Variants in EPHX1 observed in about 807,000 individuals in gnomAD.
EPHX1 encodes the protein epoxide hydrolase 1, also known as epoxide hydratase.
Under a neutral mutation model 43.2 loss-of-function variants are expected in EPHX1, and 40 were observed. That is an observed-to-expected ratio of 0.93 (90% CI 0.72 to 1.21). The LOEUF (loss-of-function observed/expected upper bound fraction) is 1.21. Ranked by LOEUF, EPHX1 falls within the 50% of genes most tolerant of loss-of-function variation. EPHX1 has a pLI of 0.00. For synonymous variants in EPHX1, 221 were observed against 226.7 expected (o/e 0.98, Z 0.22); for missense variants, 550 against 570.4 (o/e 0.96, Z 0.36).
intron 7 of EPHX1, among the ~76,000 whole-genome samples, chr1:225,843,920 C>A (rs1161809062): frequency 2.0e-5 from 3 of 152,112 alleles, no homozygotes. Context: ...CTCCCTGCTG[C>A]TGTTGCTAGA....
intron 3 of EPHX1, among the ~76,000 whole-genome samples, chr1:225,834,880 AT>A (rs746706234): frequency 1.3e-5 from 2 of 152,160 alleles, no homozygotes; most frequent in African/African-American, 2.4e-5. Flanking sequence ...GTACCCAGGC[AT>A]TCTGCTGGGG....
chr1:225,834,240 A>G (rs976402592), intron 3 of EPHX1, among the ~76,000 whole-genome samples: 2 of 151,284 alleles, frequency 1.3e-5, no homozygotes, highest in African/African-American at 4.9e-5. Context: ...CCCCGTCTCT[A>G]CTAAAAATAC....
intron 1 of EPHX1, among the ~76,000 whole-genome samples, chr1:225,812,185 A>G (rs1666514964): frequency 6.6e-6 from 1 of 152,130 alleles, no homozygotes; most frequent in African/African-American, 2.4e-5. Context: ...GATAAACTGA[A>G]CTAGCTCAGT....
chr1:225,829,640 T>C (rs1667468123), intron 2 of EPHX1, among the ~76,000 whole-genome samples: 1 of 152,116 alleles, frequency 6.6e-6, no homozygotes, highest in African/African-American at 2.4e-5. Context: ...GCCAATCCTT[T>C]CTTTCATTCC....
At chr1:225,836,702 G>A (rs1169772875) in intron 3 of EPHX1, among the ~76,000 whole-genome samples, 3 of 152,200 alleles carry the variant, frequency 2.0e-5, no homozygotes, top group African/African-American at 7.2e-5. Flanking sequence ...GACAAATACC[G>A]CATGATTCCA....
At chr1:225,830,925 A>G (rs1450305859) in intron 2 of EPHX1, among the ~76,000 whole-genome samples, 1 of 152,208 alleles carries the variant, frequency 6.6e-6, no homozygotes, top group Non-Finnish European at 1.5e-5. Context: ...GTTAGGGGGA[A>G]AAAAATCAAA....
intron 1 of EPHX1, among the ~76,000 whole-genome samples, chr1:225,828,067 C>T (rs555278479): frequency 1.3e-5 from 2 of 152,224 alleles, no homozygotes; most frequent in African/African-American, 4.8e-5. Context: ...ATGAGGCTGT[C>T]GGGCGCCGTG....
At chr1:225,810,410 A>G (rs1346476903) in intron 1 of EPHX1, 1 of 151,108 alleles carries the variant, frequency 6.6e-6, no homozygotes, top group East Asian at 1.9e-4. Flanking sequence ...GACTTCTCGC[A>G]GGGAATTCCG....
chr1:225,819,583 G>A (rs1575984505), intron 1 of EPHX1, among the ~76,000 whole-genome samples: 1 of 152,240 alleles, frequency 6.6e-6, no homozygotes, highest in East Asian at 1.9e-4. Flanking sequence ...AGAACTTACT[G>A]ATATCTGTGG....
At position 225,815,415 on chromosome 1, in the gene EPHX1, T is replaced by C. The variant is rs1403228977; in HGVS notation, c.-6+5246T>C. Among the ~76,000 whole-genome samples the C allele has an allele frequency of 4.0e-5, 3 of 75,694 alleles. 1 individual carries two copies. Among genetic ancestry groups the C allele is most frequent in the Admixed American group, 2.7e-4 (2 of 7,466 alleles). The allele number at this position is 75,694 out of a possible 152,430, so 49.7% of individuals were successfully genotyped here. Reference sequence around the variant, plus strand: ...CCACCATGCCCAGCTAATTTTCTTTTTTTTTTTTTTTTTTTTTTGTAGAGA... The same window carrying C: ...CCACCATGCCCAGCTAATTTTCTTTCTTTTTTTTTTTTTTTTTTGTAGAGA... On this transcript the variant is annotated intron_variant, in intron 1 of 8. Coordinates refer to ENST00000272167, the MANE Select transcript of EPHX1 (RefSeq NM_001136018.4).
chr1:225,821,565 CTTTTTTTTTTTTT>C (rs869228485), intron 1 of EPHX1, among the ~76,000 whole-genome samples: 1 of 69,844 alleles, frequency 1.4e-5, no homozygotes, highest in East Asian at 5.1e-4. Flanking sequence ...TTTTTTGGTT[CTTTTTTTTTTTTT>C]TTTTTTTTTT....
chr1:225,821,370 C>T (rs564138925), intron 1 of EPHX1, among the ~76,000 whole-genome samples: 3 of 151,858 alleles, frequency 2.0e-5, no homozygotes, highest in Admixed American at 6.6e-5. Flanking sequence ...CTCAGCCTCC[C>T]GAGTAGCTGG....
intron 3 of EPHX1, among the ~76,000 whole-genome samples, chr1:225,835,435 G>A (rs532690295): frequency 6.8e-6 from 1 of 146,218 alleles, no homozygotes; most frequent in East Asian, 2.0e-4. Flanking sequence ...TGTCACCCAG[G>A]CTGGAGTGCA....
intron 6 of EPHX1, among the ~76,000 whole-genome samples, chr1:225,840,255 G>A (rs553383052): frequency 7.2e-5 from 11 of 152,332 alleles, no homozygotes; most frequent in South Asian, 4.1e-4. Context: ...CTGTTTAGCC[G>A]ACTCAGTATT....
At chr1:225,824,577 G>A (rs1019095030) in intron 1 of EPHX1, among the ~76,000 whole-genome samples, 1 of 152,210 alleles carries the variant, frequency 6.6e-6, no homozygotes, top group Admixed American at 6.5e-5. Context: ...TCAGGCCTCC[G>A]AGCTCCTTCG....
intron 1 of EPHX1, among the ~76,000 whole-genome samples, chr1:225,816,226 G>A (rs938949155): frequency 5.9e-5 from 9 of 152,194 alleles, no homozygotes; most frequent in African/African-American, 1.7e-4. Flanking sequence ...CTGGGAGGTC[G>A]AGGCTGCAGT....
chr1:225,842,564 A>T, intron 7 of EPHX1, 90 bp downstream of exon 7: 1 of 939,590 alleles, frequency 1.1e-6, no homozygotes, highest in South Asian at 1.3e-5. Context: ...GTTGCTCTGC[A>T]TGGGGCACTC....
chr1:225,830,209 TG>T (rs1667502142), intron 2 of EPHX1, among the ~76,000 whole-genome samples: 1 of 152,204 alleles, frequency 6.6e-6, no homozygotes, highest in African/African-American at 2.4e-5. Context: ...TGAGGCTCCC[TG>T]GGTAGGACTT....
intron 1 of EPHX1, among the ~76,000 whole-genome samples, chr1:225,822,949 TAAC>T (rs10601926): frequency 0.034 from 5,178 of 152,118 alleles, 244 homozygotes; most frequent in African/African-American, 0.11. Context: ...GTGGGCTAAA[TAAC>T]AAGAACAGGG....
Sources: gnomAD v4.1 joint callset for allele counts (sites outside exome capture counted in the v4.1 genomes callset) on GRCh38, gnomAD v4.1.1 for gene constraint, MANE v1.5 for transcripts, NCBI Gene and HGNC (gene_info 2026-07-23, HGNC 2026-07-21) for gene names.